CALN1: variants seen among roughly 807,000 people sequenced by gnomAD.
CALN1 encodes the protein calneuron 1, also known as calcium-binding protein 8.
Under a neutral mutation model 30.6 loss-of-function variants are expected in CALN1, and 17 were observed. The observed-to-expected ratio is 0.56, with a 90% CI of 0.38 to 0.83. The LOEUF is 0.83. Ranked by LOEUF, CALN1 falls within the 40% of genes least tolerant of loss-of-function variation. The pLI is 0.00. For missense variants in CALN1, 291 were observed against 354.9 expected (o/e 0.82, Z 1.45); for synonymous variants, 156 against 131.4 (o/e 1.19, Z -1.28).
rs1442436335 is a variant in CALN1, at chr7:71,905,386, T to TC, written c.502-94895_502-94894insG. On this transcript the variant is annotated intron_variant, in intron 5 of 6. Coordinates refer to ENST00000395275, the MANE Select transcript of CALN1 (RefSeq NM_031468.4). The stretch of plus-strand genomic sequence containing the variant: ...GTACATTGTACCTAATGTGTAGTTT[T>TC]TTTTTTTTTTATCTCTATCCCCCCT... Among the ~76,000 whole-genome samples the TC allele has an allele frequency of 2.6e-5, 4 of 151,934 alleles. No individual in the cohort carries two copies. In the East Asian group the frequency reaches 7.7e-4, roughly 29 times the overall value.
intron 5 of CALN1, among the ~76,000 whole-genome samples, chr7:71,846,604 C>T (rs1178481603): frequency 1.3e-5 from 2 of 151,566 alleles, no homozygotes; most frequent in South Asian, 2.1e-4. Context: ...ATTTACAGTG[C>T]TATTCTTTAC....
chr7:72,292,067 G>GT (rs1798520628), intron 2 of CALN1, among the ~76,000 whole-genome samples: 1 of 150,508 alleles, frequency 6.6e-6, no homozygotes. Flanking sequence ...TCCATGAATA[G>GT]TAAGTTGCTA....
intron 5 of CALN1, among the ~76,000 whole-genome samples, chr7:71,859,558 G>A (rs1453687564): frequency 6.6e-6 from 1 of 152,124 alleles, no homozygotes; most frequent in Non-Finnish European, 1.5e-5. Context: ...CTGTAAGTGT[G>A]GACTCCTGTA....
intron 3 of CALN1, among the ~76,000 whole-genome samples, chr7:72,269,919 T>C (rs1330187655): frequency 1.3e-5 from 2 of 152,124 alleles, no homozygotes; most frequent in Non-Finnish European, 1.5e-5. Flanking sequence ...ATTATAAACA[T>C]AGAAAAGTAT....
intron 3 of CALN1, among the ~76,000 whole-genome samples, chr7:72,257,959 C>T (rs1377639320): frequency 6.6e-6 from 1 of 151,720 alleles, no homozygotes; most frequent in Non-Finnish European, 1.5e-5. Context: ...TCTGGGGACT[C>T]GAGGGGGAAG....
chr7:72,327,894 C>CA (rs1801389595), intron 2 of CALN1, among the ~76,000 whole-genome samples: 1 of 152,128 alleles, frequency 6.6e-6, no homozygotes, highest in Non-Finnish European at 1.5e-5. Flanking sequence ...ATCTTGGTTT[C>CA]AACCTCTATG....
At chr7:72,451,486 C>T (rs1307016134), upstream of CALN1, among the ~76,000 whole-genome samples, 1 of 152,018 alleles carries the variant, frequency 6.6e-6, no homozygotes, top group Non-Finnish European at 1.5e-5. Flanking sequence ...TGCCCAAAGA[C>T]AAGAACTCAA....
chr7:72,313,601 C>T (rs28582687), intron 2 of CALN1, among the ~76,000 whole-genome samples: 7,136 of 152,032 alleles, frequency 0.047, 226 homozygotes, highest in South Asian at 0.1. Flanking sequence ...CACTGTGTTG[C>T]CCAGGCTGGT....
At chr7:72,336,362 C>T (rs1266753901) in intron 2 of CALN1, among the ~76,000 whole-genome samples, 1 of 152,108 alleles carries the variant, frequency 6.6e-6, no homozygotes. Flanking sequence ...GCCACTGGCG[C>T]CTGGGGGCTA....
chr7:72,118,689 A>G (rs1808167090), intron 3 of CALN1, among the ~76,000 whole-genome samples: 1 of 95,136 alleles, frequency 1.1e-5, no homozygotes, highest in African/African-American at 3.9e-5. Context: ...TGAGTGGATG[A>G]GATTTAAATA....
At chr7:71,987,989 T>G (rs998815965) in intron 5 of CALN1, among the ~76,000 whole-genome samples, 1 of 152,104 alleles carries the variant, frequency 6.6e-6, no homozygotes, top group African/African-American at 2.4e-5. Context: ...GGAGGCCGTG[T>G]CAGTCAGGCA....
chr7:72,251,180 C>A (rs927809388), intron 3 of CALN1, among the ~76,000 whole-genome samples: 1 of 152,168 alleles, frequency 6.6e-6, no homozygotes, highest in African/African-American at 2.4e-5. Context: ...TTCAATTCTG[C>A]TTCTGATGTG....
intron 5 of CALN1, among the ~76,000 whole-genome samples, chr7:71,822,411 G>A (rs927707981): frequency 6.6e-6 from 1 of 152,100 alleles, no homozygotes; most frequent in Admixed American, 6.5e-5. Flanking sequence ...ATCATGCCCG[G>A]CTAATTTTGT....
intron 5 of CALN1, among the ~76,000 whole-genome samples, chr7:71,931,337 C>T (rs928862121): frequency 1.3e-5 from 2 of 152,076 alleles, no homozygotes; most frequent in Admixed American, 6.5e-5. Context: ...GTGATCTCGG[C>T]TCACTGCAAC....
intron 2 of CALN1, among the ~76,000 whole-genome samples, chr7:72,339,479 G>C (rs1180727202): frequency 6.6e-6 from 1 of 152,088 alleles, no homozygotes; most frequent in Non-Finnish European, 1.5e-5. Context: ...AGAAACTCCA[G>C]GTACCTAGCT....
chr7:72,328,239 G>A (rs1239063866), intron 2 of CALN1, among the ~76,000 whole-genome samples: 2 of 152,090 alleles, frequency 1.3e-5, no homozygotes, highest in Non-Finnish European at 2.9e-5. Flanking sequence ...ATCTCACCTT[G>A]AATTGCAATA....
chr7:72,167,734 CAG>C (rs749281902), intron 3 of CALN1, among the ~76,000 whole-genome samples: 1 of 152,198 alleles, frequency 6.6e-6, no homozygotes, highest in Non-Finnish European at 1.5e-5. Context: ...CCCTTAAAGA[CAG>C]ACGTTGGAGA....
intron 5 of CALN1, among the ~76,000 whole-genome samples, chr7:71,955,535 T>A (rs1584602653): frequency 6.6e-6 from 1 of 152,208 alleles, no homozygotes; most frequent in Non-Finnish European, 1.5e-5. Flanking sequence ...CTTAAGTCAA[T>A]GGCACAGCAG....
chr7:72,053,352 C>T (rs554265445), intron 4 of CALN1, among the ~76,000 whole-genome samples: 16 of 152,314 alleles, frequency 1.1e-4, no homozygotes, highest in African/African-American at 3.6e-4. Flanking sequence ...CTGAAATTAC[C>T]GGCTGGTAGG....
Sources: allele counts gnomAD v4.1 joint callset (sites outside exome capture counted in the v4.1 genomes callset), GRCh38; gene constraint gnomAD v4.1.1; transcripts MANE v1.5; gene names NCBI Gene and HGNC (gene_info 2026-07-23, HGNC 2026-07-21).